Variants in GLB1L2 observed in about 807,000 individuals in gnomAD.
GLB1L2 encodes the protein galactosidase beta 1 like 2.
Under a neutral mutation model 84.1 loss-of-function variants are expected in GLB1L2, and 68 were observed. The observed-to-expected ratio is 0.81, with a 90% CI of 0.67 to 0.99. The LOEUF is 0.99. GLB1L2 is among the 50% of genes least tolerant of loss of function. The pLI is 0.00. For missense variants in GLB1L2, 762 were observed against 805.6 expected, an observed-to-expected ratio of 0.95 and a Z score of 0.66; for synonymous variants, 290 against 318.0, an observed-to-expected ratio of 0.91 and a Z score of 0.94.
In GLB1L2 at chr11:134,370,360, G is replaced by T; in HGVS notation, c.1176G>T (p.Leu392Phe). Residue 392 changes from leucine (L) to phenylalanine (F), a missense_variant, in exon 12 of 19, where the codon TTG (leucine) becomes TTT (phenylalanine). Leu to Phe is a conservative substitution (Grantham distance 22, BLOSUM62 0). Coordinates refer to ENST00000535456, the MANE Select transcript of GLB1L2 (RefSeq NM_001370461.1). The surrounding 1 kb of genome is among the most constrained non-coding windows in gnomAD (Gnocchi z 4.7). ...KMPYEPLTPV[L>F]YLSLWDALKY... is the part of the protein sequence containing the mutation. ...CGTATGAGCCCTTAACGCCAGTCTT[G>T]TACCTGTCTCTGTGGGACGCCCTCA... 6.2e-7 allele frequency: 1 copy of T among 1,613,974 alleles called. No homozygotes were observed. The highest frequency in any genetic ancestry group is 8.5e-7 in the Non-Finnish European group (1 of 1,179,974).
chr11:134,373,608 G>A (rs910187666), intron 15 of GLB1L2, 113 bp from the exon 16 acceptor site: 19 of 697,382 alleles, frequency 2.7e-5, no homozygotes, highest in Admixed American at 4.6e-5. Flanking sequence ...CTCAGGGAGC[G>A]TACACTTCAG....
Position 134,347,420 on chromosome 11 carries a change from T to C in GLB1L2, c.545T>C (p.Val182Ala), listed in dbSNP as rs1215966182. The C allele has an allele frequency of 3.1e-6, 5 of 1,612,488 alleles. No homozygotes were observed. The African/African-American group carries it at 6.7e-5, about 21-fold the overall frequency. ...DLYFDHLMSR[V>A]VPLQYKRGGP... ...TATTTTGACCACCTGATGTCCAGGG[T>C]GGTGCCACTCCAGGTACAAGCAAAT... Residue 182 changes from valine to alanine, a missense_variant, in exon 5 of 19, where the codon GTG (valine) becomes GCG (alanine). This residue lies in a region of GLB1L2 where 603 missense variants were observed against 611.7 expected (regional missense o/e 0.99). Coordinates refer to ENST00000535456, the MANE Select transcript of GLB1L2 (RefSeq NM_001370461.1).
intron 2 of GLB1L2, 37 bp from the exon 3 acceptor site, chr11:134,344,350 G>A (rs1376914573): frequency 1.9e-6 from 3 of 1,611,588 alleles, no homozygotes; most frequent in Admixed American, 3.3e-5. Context: ...TGGAATGAAT[G>A]ACATGCTCTA....
At chr11:134,350,188 T>C (rs997312027) in intron 5 of GLB1L2, among the ~76,000 whole-genome samples, 2 of 151,988 alleles carry the variant, frequency 1.3e-5, no homozygotes, top group African/African-American at 4.8e-5. Flanking sequence ...GCTCCAGGAG[T>C]TGCATAGGAA....
rs904214193 is a variant in GLB1L2, at chr11:134,370,266, G to C, written c.1109-27G>C. ...CAGGCAGTGACATTTGGGTCCGTTG[G>C]GGGTGACCCTGTTTTCTGTGTTGCA... On this transcript the variant is annotated intron_variant, in intron 11 of 18. Transcript: ENST00000535456. This position sits in a 1 kb window ranked among gnomAD's most constrained non-coding sequence, Gnocchi z 4.7. The C allele has an allele frequency of 6.3e-7, 1 of 1,594,452 alleles. No individual in the cohort carries two copies. Among genetic ancestry groups the C allele is most frequent in the South Asian group, 1.1e-5 (1 of 90,670 alleles).
chr11:134,347,384 C>G lies in GLB1L2; in HGVS notation c.509C>G (p.Ala170Gly), dbSNP rs757199466. The change falls in exon 5 of 19, where the codon GCA (alanine) becomes GGA (glycine). Residue 170 changes from alanine to glycine, a missense_variant. Physicochemically the swap from Ala to Gly is moderately conservative, Grantham distance 60. Transcript: ENST00000535456. The part of the protein sequence containing the change: ...LRTTYKGFTE[A>G]VDLYFDHLMS... The stretch of plus-strand genomic sequence containing the variant: ...ACAACTTACAAGGGCTTCACCGAAG[C>G]AGTGGACCTTTATTTTGACCACCTG... The G allele has an allele frequency of 1.9e-6, 3 of 1,614,072 alleles. No individual in the cohort carries two copies. In the African/African-American group the frequency reaches 4.0e-5, roughly 22 times the overall value.
chr11:134,370,286 G>C lies in GLB1L2; in HGVS notation c.1109-7G>C. 1 of 1,612,582 alleles carries C rather than the reference G, an allele frequency of 6.2e-7. No individual in the cohort carries two copies. Among genetic ancestry groups the C allele is most frequent in the Non-Finnish European group, 8.5e-7 (1 of 1,178,680 alleles). On this transcript the variant is annotated splice_region_variant and splice_polypyrimidine_tract_variant and intron_variant, in intron 11 of 18. Coordinates refer to ENST00000535456, the MANE Select transcript of GLB1L2 (RefSeq NM_001370461.1). The surrounding 1 kb of genome is among the most constrained non-coding windows in gnomAD (Gnocchi z 4.7). Reference sequence around the variant, plus strand: ...CGTTGGGGGTGACCCTGTTTTCTGTGTTGCAGGCATCCCTCTCCCTCCCCC... The same window carrying C: ...CGTTGGGGGTGACCCTGTTTTCTGTCTTGCAGGCATCCCTCTCCCTCCCCC...
Position 134,366,259 on chromosome 11 carries a change from T to G in GLB1L2, c.805-998T>G, listed in dbSNP as rs547172619. On this transcript the variant is annotated intron_variant, in intron 8 of 18. Transcript: ENST00000535456. ...TTTAAACGTGGTATGGTATGTCTCC[T>G]TCTTGGAAGGTAGGTGGCTTGTAAA... is the stretch of plus-strand genomic sequence containing the variant. Among the ~76,000 whole-genome samples, 29 of 152,308 alleles carry G rather than the reference T, an allele frequency of 1.9e-4. 1 individual carries two copies. The highest frequency in any genetic ancestry group is 6.8e-3 in the Middle Eastern group (2 of 294).
intron 8 of GLB1L2, among the ~76,000 whole-genome samples, chr11:134,366,621 G>A (rs986971715): frequency 1.3e-4 from 20 of 152,186 alleles, no homozygotes; most frequent in African/African-American, 2.4e-4. Context: ...CCTTGGGGCC[G>A]TCCTATGCCA....
intron 5 of GLB1L2, among the ~76,000 whole-genome samples, chr11:134,352,650 T>C (rs1371356382): frequency 2.2e-5 from 3 of 135,946 alleles, no homozygotes. Context: ...ATATGTCTTC[T>C]TTTTTTTTTT....
chr11:134,371,897 A>G (rs932627153), intron 15 of GLB1L2, 67 bp downstream of exon 15: 42 of 1,494,804 alleles, frequency 2.8e-5, no homozygotes, highest in Non-Finnish European at 3.5e-5. Flanking sequence ...TTGCTTCTCT[A>G]TGCTAGCAGG....
chr11:134,340,752 G>A (rs1943450894), intron 1 of GLB1L2, among the ~76,000 whole-genome samples: 1 of 152,256 alleles, frequency 6.6e-6, no homozygotes, highest in Non-Finnish European at 1.5e-5. Flanking sequence ...ACTGCAAAAA[G>A]CCATTCGTAG....
At chr11:134,362,376 T>C (rs900464430) in intron 7 of GLB1L2, among the ~76,000 whole-genome samples, 1 of 151,808 alleles carries the variant, frequency 6.6e-6, no homozygotes, top group Non-Finnish European at 1.5e-5. Context: ...TTCTGCTGGC[T>C]GTTCCACTCC....
chr11:134,352,808 C>T (rs534338791), intron 5 of GLB1L2, among the ~76,000 whole-genome samples: 135 of 152,062 alleles, frequency 8.9e-4, no homozygotes, highest in Admixed American at 1.4e-3. Flanking sequence ...TGACCACGCC[C>T]GGCTGATATT....
At chr11:134,369,733 C>T (rs1276310768) in intron 10 of GLB1L2, 72 bp from the exon 11 acceptor site, 4 of 1,369,098 alleles carry the variant, frequency 2.9e-6, no homozygotes, top group Non-Finnish European at 4.1e-6. Context: ...TTCCAAGCTT[C>T]TCCCTGTTCT....
At chr11:134,341,826 CTG>C (rs1320232516) in intron 1 of GLB1L2, among the ~76,000 whole-genome samples, 2 of 152,226 alleles carry the variant, frequency 1.3e-5, no homozygotes, top group Non-Finnish European at 2.9e-5. Context: ...TTCCCTCCCT[CTG>C]TGACACTCAG....
intron 18 of GLB1L2, 119 bp from the exon 19 acceptor site, chr11:134,374,853 C>A: frequency 1.7e-6 from 2 of 1,182,960 alleles, no homozygotes; most frequent in Non-Finnish European, 2.5e-6. Flanking sequence ...AGTTGTTGGT[C>A]CCTGTCCCTT....
intron 7 of GLB1L2, among the ~76,000 whole-genome samples, chr11:134,363,014 G>C (rs74339977): frequency 0.047 from 7,084 of 152,236 alleles, 571 homozygotes; most frequent in African/African-American, 0.16. Context: ...GCTTGTATTT[G>C]TGAGACGTAT....
chr11:134,347,930 CTGCTACCAAAAAGG>C (rs1943574294), intron 5 of GLB1L2, among the ~76,000 whole-genome samples: 1 of 152,208 alleles, frequency 6.6e-6, no homozygotes, highest in Non-Finnish European at 1.5e-5. Context: ...ATACTTCCCT[CTGCTACCAAAAAGG>C]TGCTGCATGG....
Sources: gnomAD v4.1 joint callset for allele counts (sites outside exome capture counted in the v4.1 genomes callset) on GRCh38, gnomAD v4.1.1 for gene constraint, gnomAD v4.1.1 regional missense constraint, Gnocchi (gnomAD v3.1) non-coding constraint, MANE v1.5 for transcripts, NCBI Gene and HGNC (gene_info 2026-07-23, HGNC 2026-07-21) for gene names.